The following CHMP2B variants were observed in gnomAD, a reference collection of about 807,000 sequenced individuals.
CHMP2B encodes charged multivesicular body protein 2B.
A neutral mutation model predicts 29.8 loss-of-function variants in CHMP2B; 22 were observed. The ratio of observed to expected loss-of-function variants is 0.74; its 90% CI spans 0.53 to 1.05. CHMP2B has a LOEUF of 1.05. CHMP2B is among the 50% of genes least tolerant of loss of function. CHMP2B has a pLI of 0.00. For synonymous variants in CHMP2B, 78 were observed against 75.8 expected (o/e 1.03, Z -0.15); for missense variants, 261 against 252.2 (o/e 1.03, Z -0.24).
chr3:87,228,882 G>A (rs890032940), intron 1 of CHMP2B, among the ~76,000 whole-genome samples: 1 of 147,894 alleles, frequency 6.8e-6, no homozygotes, highest in African/African-American at 2.5e-5. Flanking sequence ...TTTTTTCAGT[G>A]TTTTAGCTGC....
rs893451150 is a variant in CHMP2B at position 87,251,447 on chromosome 3, C to A, written c.424+1470C>A. 1.7e-4 allele frequency among the ~76,000 whole-genome samples: 26 copies of A among 151,892 alleles called. 1 individual carries two copies. The highest frequency in any genetic ancestry group is 1.3e-4 in the Non-Finnish European group (9 of 67,848). On this transcript the variant is annotated intron_variant, in intron 4 of 5. Coordinates refer to ENST00000263780, the MANE Select transcript of CHMP2B (RefSeq NM_014043.4). ...AAGCTATAATGAAAAGAATCAATAA[C>A]CCTTACTTAATCAGATATCTATAAT...
At chr3:87,248,440 C>T (rs779544417) in intron 3 of CHMP2B, among the ~76,000 whole-genome samples, 7 of 151,640 alleles carry the variant, frequency 4.6e-5, no homozygotes, top group Non-Finnish European at 8.8e-5. Context: ...TCACTGCAAC[C>T]CCTGCCTCCA....
chr3:87,228,853 T>A (rs939777464), intron 1 of CHMP2B, among the ~76,000 whole-genome samples: 1 of 152,164 alleles, frequency 6.6e-6, no homozygotes, highest in African/African-American at 2.4e-5. Context: ...TGCTGCTTAA[T>A]CTTTAATATG....
intron 4 of CHMP2B, among the ~76,000 whole-genome samples, chr3:87,251,976 G>T (rs1374972494): frequency 6.6e-6 from 1 of 151,556 alleles, no homozygotes; most frequent in East Asian, 1.9e-4. Flanking sequence ...TTTTCCAGAG[G>T]CTTACCTTTG....
chr3:87,242,054 G>T (rs969671480), intron 2 of CHMP2B, among the ~76,000 whole-genome samples: 1 of 151,996 alleles, frequency 6.6e-6, no homozygotes, highest in African/African-American at 2.4e-5. Flanking sequence ...TAATGATGTT[G>T]AACATCTTTT....
At chr3:87,245,238 A>G (rs1015889775) in intron 2 of CHMP2B, among the ~76,000 whole-genome samples, 2 of 152,100 alleles carry the variant, frequency 1.3e-5, no homozygotes, top group Non-Finnish European at 1.5e-5. Flanking sequence ...GAGATAGCAT[A>G]TAGTTGGGTT....
chr3:87,244,231 G>A (rs1706172900), intron 2 of CHMP2B, among the ~76,000 whole-genome samples: 1 of 151,536 alleles, frequency 6.6e-6, no homozygotes, highest in African/African-American at 2.4e-5. Context: ...ATTTTTAGTA[G>A]AGAGGGGTTT....
At chr3:87,244,942 C>T (rs1706184759) in intron 2 of CHMP2B, among the ~76,000 whole-genome samples, 1 of 152,076 alleles carries the variant, frequency 6.6e-6, no homozygotes, top group Admixed American at 6.6e-5. Context: ...GCTAATTATG[C>T]ATTTGTCTAT....
At chr3:87,235,680 T>TAAAG (rs1705994221) in intron 1 of CHMP2B, among the ~76,000 whole-genome samples, 2 of 152,220 alleles carry the variant, frequency 1.3e-5, no homozygotes, top group African/African-American at 4.8e-5. Flanking sequence ...TGTTTTTCAG[T>TAAAG]AAAGATGGCT....
intron 1 of CHMP2B, 71 bp from the exon 2 acceptor site, chr3:87,240,628 A>G (rs1706099734): frequency 9.5e-7 from 1 of 1,049,088 alleles, no homozygotes; most frequent in African/African-American, 1.6e-5. Flanking sequence ...ATGATCTGTG[A>G]ATCCAGTATT....
intron 4 of CHMP2B, among the ~76,000 whole-genome samples, chr3:87,252,011 G>C (rs941311222): frequency 6.6e-6 from 1 of 151,416 alleles, no homozygotes; most frequent in South Asian, 2.1e-4. Flanking sequence ...ATTCCTTTAG[G>C]GGTTTTCTGC....
At position 87,245,744 on chromosome 3, in the gene CHMP2B, G is replaced by C. The variant is rs755409238; in HGVS notation, c.157G>C (p.Gly53Arg). 5 of 1,613,440 alleles carry C rather than the reference G, an allele frequency of 3.1e-6. No individual in the cohort carries two copies. ...ELEIKKMAKIGNKEACKVLAK... is the reference protein window; with the variant it reads ...ELEIKKMAKIRNKEACKVLAK... ...AGAAATTAAGAAAATGGCCAAGATTGGTAATAAGGAAGCTTGCAAAGTTTT... is the reference window on the plus strand; with the variant it reads ...AGAAATTAAGAAAATGGCCAAGATTCGTAATAAGGAAGCTTGCAAAGTTTT... Residue 53 changes from glycine (G) to arginine (R), a missense_variant, in exon 3 of 6, where the codon GGT becomes CGT. Coordinates refer to ENST00000263780, the MANE Select transcript of CHMP2B (RefSeq NM_014043.4).
intron 3 of CHMP2B, among the ~76,000 whole-genome samples, chr3:87,248,524 T>A (rs1706258321): frequency 6.6e-6 from 1 of 151,676 alleles, no homozygotes; most frequent in Non-Finnish European, 1.5e-5. Flanking sequence ...GCCTGGCTAA[T>A]TTTTGTATAT....
At chr3:87,245,652 A>G (rs1468543421) in intron 2 of CHMP2B, 62 bp from the exon 3 acceptor site, 39 of 1,376,822 alleles carry the variant, frequency 2.8e-5, no homozygotes, top group Non-Finnish European at 3.8e-5. Context: ...GTTCTTCTGA[A>G]ATAAATTATT....
At position 87,249,784 on chromosome 3, in the gene CHMP2B, A is replaced by G. The variant is rs892453119; in HGVS notation, c.322-91A>G. 2.4e-5 allele frequency: 17 copies of G among 717,192 alleles called. 1 individual carries two copies. The highest frequency in any genetic ancestry group is 5.0e-5 in the South Asian group (3 of 60,572). The allele number at this position is 717,192 out of a possible 1,614,324, so 44.4% of individuals were successfully genotyped here. A position where few individuals can be genotyped will look rare whatever the true frequency, so the allele number is the denominator to read the frequency against. On this transcript the variant is annotated intron_variant, in intron 3 of 5. Coordinates refer to ENST00000263780, the MANE Select transcript of CHMP2B (RefSeq NM_014043.4). ...CAGGATGGATATCTTTTTAAAGCCT[A>G]TCTATATTTGATGTGTTCCCTTTTG...
chr3:87,241,475 C>T (rs538400511), intron 2 of CHMP2B, among the ~76,000 whole-genome samples: 2 of 152,250 alleles, frequency 1.3e-5, no homozygotes, highest in African/African-American at 2.4e-5. Context: ...CTGCCTGTCT[C>T]CCTTTTTCCT....
intron 1 of CHMP2B, among the ~76,000 whole-genome samples, chr3:87,229,536 A>G (rs1262971334): frequency 6.6e-6 from 1 of 152,074 alleles, no homozygotes; most frequent in Non-Finnish European, 1.5e-5. Flanking sequence ...ATAGAGCTTT[A>G]CTTTTTTTAT....
intron 1 of CHMP2B, among the ~76,000 whole-genome samples, chr3:87,235,999 A>C (rs1203387200): frequency 2.0e-5 from 3 of 152,220 alleles, no homozygotes; most frequent in African/African-American, 7.2e-5. Flanking sequence ...TAATAGCCAA[A>C]TGGAAGTGAT....
chr3:87,232,763 G>T (rs2106892774), intron 1 of CHMP2B, among the ~76,000 whole-genome samples: 1 of 152,162 alleles, frequency 6.6e-6, no homozygotes, highest in Middle Eastern at 3.4e-3. Context: ...ATTTATCTAA[G>T]ATGAAAAATG....
Sources: allele counts gnomAD v4.1 joint callset (sites outside exome capture counted in the v4.1 genomes callset), GRCh38; gene constraint gnomAD v4.1.1; transcripts MANE v1.5; gene names NCBI Gene and HGNC (gene_info 2026-07-23, HGNC 2026-07-21).